The following DAP variants were observed in gnomAD, a reference collection of about 807,000 sequenced individuals.
DAP encodes the protein death-associated protein 1.
In DAP, 8 loss-of-function variants were observed where a neutral mutation model predicts 13.8. The observed-to-expected ratio is 0.58, with a 90% CI of 0.34 to 1.05. The LOEUF is 1.05. DAP is among the 50% of genes least tolerant of loss of function. The pLI, the probability that DAP is intolerant of heterozygous loss-of-function variation, is 0.03. For synonymous variants in DAP, 47 were observed against 47.5 expected, an observed-to-expected ratio of 0.99 and a Z score of 0.04; for missense variants, 106 against 133.2, an observed-to-expected ratio of 0.80 and a Z score of 1.01.
rs552802994 is a variant in DAP at position 10,702,350 on chromosome 5, C to T, written c.153-18779G>A. On this transcript the variant is annotated intron_variant, in intron 2 of 3. Coordinates refer to ENST00000230895, the MANE Select transcript of DAP (RefSeq NM_004394.3). ...TTCTTAGGAATGAGTAACTCTCATGCCCTGCCCGCCTCAAAGGCTTGCAAA... is the reference window on the plus strand; with the variant it reads ...TTCTTAGGAATGAGTAACTCTCATGTCCTGCCCGCCTCAAAGGCTTGCAAA... 5.3e-5 allele frequency among the ~76,000 whole-genome samples: 8 copies of T among 152,184 alleles called. No individual in the cohort carries two copies. In the East Asian group the frequency reaches 1.3e-3, roughly 26 times the overall value.
intron 2 of DAP, among the ~76,000 whole-genome samples, chr5:10,708,363 TACACACATGCACAGACATACATACAC>T (rs1318952328): frequency 6.7e-6 from 1 of 150,108 alleles, no homozygotes; most frequent in Non-Finnish European, 1.5e-5. Context: ...CAGACGCACA[TACACACATGCACAGACATACATACAC>T]ACACACATGC....
chr5:10,708,989 C>T (rs771037777), intron 2 of DAP, among the ~76,000 whole-genome samples: 5 of 152,196 alleles, frequency 3.3e-5, no homozygotes, highest in African/African-American at 7.2e-5. Context: ...TCAAAAGACC[C>T]TCAATCTACA....
intron 2 of DAP, among the ~76,000 whole-genome samples, chr5:10,713,640 C>T (rs1738907109): frequency 6.6e-6 from 1 of 152,230 alleles, no homozygotes. Flanking sequence ...AAACCCAAGT[C>T]TCCTGCCCCA....
chr5:10,751,641 T>A (rs531918051), intron 1 of DAP, among the ~76,000 whole-genome samples: 135 of 152,276 alleles, frequency 8.9e-4, no homozygotes, highest in African/African-American at 3.1e-3. Flanking sequence ...TAAATTGTAA[T>A]TGTATTTGGA....
At chr5:10,708,363 TACAC>T (rs1330481311) in intron 2 of DAP, among the ~76,000 whole-genome samples, 2 of 150,108 alleles carry the variant, frequency 1.3e-5, no homozygotes, top group Non-Finnish European at 3.0e-5. Context: ...CAGACGCACA[TACAC>T]ACATGCACAG....
intron 2 of DAP, among the ~76,000 whole-genome samples, chr5:10,704,222 G>A (rs949898980): frequency 6.6e-6 from 1 of 152,150 alleles, no homozygotes; most frequent in African/African-American, 2.4e-5. Context: ...AGTTCTGGAG[G>A]GGCTTGGGCA....
At chr5:10,688,626 C>T (rs1041283788) in intron 2 of DAP, among the ~76,000 whole-genome samples, 2 of 151,832 alleles carry the variant, frequency 1.3e-5, no homozygotes, top group African/African-American at 4.8e-5. Context: ...ATCACTTGTA[C>T]TTCTGTATTA....
intron 2 of DAP, among the ~76,000 whole-genome samples, chr5:10,743,395 C>T (rs888082065): frequency 6.6e-6 from 1 of 152,148 alleles, no homozygotes; most frequent in Non-Finnish European, 1.5e-5. Flanking sequence ...GAAACAGTGC[C>T]ATGGTTCTAG....
chr5:10,699,455 TA>T lies in DAP; in HGVS notation c.153-15885del, dbSNP rs368465452. Among the ~76,000 whole-genome samples the T allele has an allele frequency of 2.5e-3, 387 of 152,340 alleles. 4 individuals are homozygous for T. Among genetic ancestry groups the T allele is most frequent in the African/African-American group, 8.6e-3 (356 of 41,582 alleles). On this transcript the variant is annotated intron_variant, in intron 2 of 3. Coordinates refer to ENST00000230895, the MANE Select transcript of DAP (RefSeq NM_004394.3). ...TGAAGACTGGTCCCAGAGGGCTCCC[TA>T]AATAGCAAGAGGCCAACAGGCCACA...
chr5:10,760,990 G>T (rs1180321109), intron 1 of DAP, 24 bp downstream of exon 1: 1 of 1,222,338 alleles, frequency 8.2e-7, no homozygotes, highest in Non-Finnish European at 1.0e-6. Flanking sequence ...CCCGCGCGTG[G>T]AGAGAGAGGA....
chr5:10,689,993 C>T (rs1296312609), intron 2 of DAP, among the ~76,000 whole-genome samples: 2 of 152,228 alleles, frequency 1.3e-5, no homozygotes, highest in African/African-American at 4.8e-5. Flanking sequence ...AGACTTCATC[C>T]TGCACTGCTG....
intron 2 of DAP, among the ~76,000 whole-genome samples, chr5:10,730,872 T>G (rs1471483527): frequency 1.3e-4 from 8 of 59,814 alleles, no homozygotes; most frequent in Non-Finnish European, 1.6e-4. Context: ...AGAGCCCTGG[T>G]GGGGGGAATC....
At chr5:10,685,270 AT>A (rs144766789) in intron 2 of DAP, among the ~76,000 whole-genome samples, 6 of 47,666 alleles carry the variant, frequency 1.3e-4, no homozygotes, top group African/African-American at 7.7e-4. Context: ...CCCAGGTTGG[AT>A]TTTTTTCCCC....
intron 2 of DAP, among the ~76,000 whole-genome samples, chr5:10,731,163 AGTGAGG>A (rs1739448561): frequency 1.6e-5 from 1 of 61,018 alleles, no homozygotes; most frequent in African/African-American, 7.3e-5. Context: ...TGAGAGCCCT[AGTGAGG>A]GGGAATCTTT....
In DAP at chr5:10,680,860, C is replaced by A. The variant is rs547215025; in HGVS notation, c.*196G>T. ...GATCCTCAAATGACATCCAACCAGA[C>A]TCCCCATAAACAAGGTTTGGGCTGG... On this transcript the variant is annotated 3_prime_UTR_variant, in exon 4 of 4. Transcript: ENST00000230895. 1.3e-6 allele frequency: 2 copies of A among 1,537,006 alleles called. No individual in the cohort carries two copies. Among genetic ancestry groups the A allele is most frequent in the Non-Finnish European group, 1.7e-6 (2 of 1,147,042 alleles).
intron 2 of DAP, among the ~76,000 whole-genome samples, chr5:10,722,792 C>T (rs1228937130): frequency 6.6e-6 from 1 of 152,060 alleles, no homozygotes; most frequent in Non-Finnish European, 1.5e-5. Flanking sequence ...TAGCAACGCC[C>T]TTCTCACACC....
intron 2 of DAP, among the ~76,000 whole-genome samples, chr5:10,714,909 C>A (rs1738944253): frequency 1.3e-5 from 2 of 152,150 alleles, no homozygotes; most frequent in South Asian, 4.1e-4. Flanking sequence ...GAGGCCTCCC[C>A]AGAAGCACAA....
At chr5:10,700,624 C>T (rs989184166) in intron 2 of DAP, among the ~76,000 whole-genome samples, 43 of 152,302 alleles carry the variant, frequency 2.8e-4, no homozygotes, top group Middle Eastern at 3.4e-3. Flanking sequence ...GTGCTCACCA[C>T]CACTGTGCCT....
Position 10,744,816 on chromosome 5 carries a change from A to G in DAP, c.152+3359T>C, listed in dbSNP as rs576480139. Among the ~76,000 whole-genome samples the G allele has an allele frequency of 3.3e-5, 5 of 152,360 alleles. No homozygotes were observed. In the South Asian group the frequency reaches 8.3e-4, roughly 25 times the overall value. On this transcript the variant is annotated intron_variant, in intron 2 of 3. Coordinates refer to ENST00000230895, the MANE Select transcript of DAP (RefSeq NM_004394.3). ...GTGCCCAGCACAAAACAAGAGCCCAATGGCTAAGCAAAGCCTCGTGGAGCA... is the reference window on the plus strand; with the variant it reads ...GTGCCCAGCACAAAACAAGAGCCCAGTGGCTAAGCAAAGCCTCGTGGAGCA...
Sources: allele counts gnomAD v4.1 joint callset (sites outside exome capture counted in the v4.1 genomes callset), GRCh38; gene constraint gnomAD v4.1.1; transcripts MANE v1.5; gene names NCBI Gene and HGNC (gene_info 2026-07-23, HGNC 2026-07-21).